The following SLCO5A1 variants were observed in gnomAD, a reference collection of about 807,000 sequenced individuals.
SLCO5A1 encodes organic anion transporter polypeptide-related protein 4.
In SLCO5A1, 39 loss-of-function variants were observed where a neutral mutation model predicts 65.1. The observed-to-expected ratio is 0.60, with a 90% CI of 0.46 to 0.78. The LOEUF (loss-of-function observed/expected upper bound fraction) is 0.78, where lower values mean the gene tolerates loss of function less well. Among genes scored for constraint, SLCO5A1 ranks in the 30% least tolerant of loss-of-function variants. The probability of loss-of-function intolerance (pLI) is 0.00; values close to 1 mark genes in which losing one functional copy is unlikely to be tolerated. For synonymous variants in SLCO5A1, 438 were observed against 415.7 expected (o/e 1.05, Z -0.65); for missense variants, 1,029 against 1,069.4 (o/e 0.96, Z 0.53).
chr8:69,698,339 T>G (rs1426917863), intron 6 of SLCO5A1, among the ~76,000 whole-genome samples: 2 of 152,214 alleles, frequency 1.3e-5, no homozygotes, highest in Non-Finnish European at 2.9e-5. Context: ...GTCTTTATGG[T>G]AGAATTATTC....
intron 2 of SLCO5A1, among the ~76,000 whole-genome samples, chr8:69,824,231 G>A (rs1424502702): frequency 1.3e-5 from 2 of 151,930 alleles, no homozygotes; most frequent in African/African-American, 2.4e-5. Flanking sequence ...AGAAGCAAGA[G>A]CAAACACATT....
At chr8:69,768,725 T>C (rs1417799188) in intron 2 of SLCO5A1, among the ~76,000 whole-genome samples, 1 of 152,098 alleles carries the variant, frequency 6.6e-6, no homozygotes, top group Non-Finnish European at 1.5e-5. Context: ...CATGACCTCA[T>C]CTCACCTTAA....
rs1283848676 is a variant in SLCO5A1 at position 69,738,109 on chromosome 8, T to G, written c.1354A>C (p.Ile452Leu). Residue 452 changes from isoleucine (I) to leucine (L), a missense_variant, in exon 5 of 10, where the codon ATT becomes CTT. Physicochemically the swap from Ile to Leu is conservative, Grantham distance 5. Transcript: ENST00000260126. Reference sequence around the variant, plus strand: ...TCGATGAACTTGGGAATGAAGGTAATGAAAGCAGTTACAATGGCACTCTCA... The same window carrying G: ...TCGATGAACTTGGGAATGAAGGTAAGGAAAGCAGTTACAATGGCACTCTCA... ...TAESAIVTAF[I>L]TFIPKFIESQ... The G allele has an allele frequency of 6.2e-7, 1 of 1,613,932 alleles. No homozygotes were observed.
chr8:69,791,140 C>A (rs1287092041), intron 2 of SLCO5A1, among the ~76,000 whole-genome samples: 1 of 152,218 alleles, frequency 6.6e-6, no homozygotes, highest in Non-Finnish European at 1.5e-5. Context: ...CTTCTTGTAA[C>A]TGTCCCTCTG....
intron 6 of SLCO5A1, among the ~76,000 whole-genome samples, chr8:69,683,473 G>A (rs553790605): frequency 2.6e-5 from 4 of 152,146 alleles, no homozygotes; most frequent in Admixed American, 6.5e-5. Flanking sequence ...AGCGAAGTTT[G>A]GGCTTTTAGT....
At chr8:69,793,777 C>CTAAATAAA (rs71556785) in intron 2 of SLCO5A1, among the ~76,000 whole-genome samples, 67 of 141,884 alleles carry the variant, frequency 4.7e-4, no homozygotes, top group South Asian at 7.1e-4. Context: ...GACTCTGTCT[C>CTAAATAAA]TAAATAAATA....
At chr8:69,690,088 C>T (rs1046198093) in intron 6 of SLCO5A1, among the ~76,000 whole-genome samples, 6 of 152,240 alleles carry the variant, frequency 3.9e-5, no homozygotes, top group African/African-American at 9.6e-5. Context: ...TATTCTACAC[C>T]TCTCATGTCT....
At chr8:69,752,056 C>G (rs951503044) in intron 4 of SLCO5A1, among the ~76,000 whole-genome samples, 5 of 152,204 alleles carry the variant, frequency 3.3e-5, no homozygotes, top group African/African-American at 4.8e-5. Flanking sequence ...CATGGTAAAA[C>G]CCCATCTGTA....
At position 69,682,274 on chromosome 8, in the gene SLCO5A1, G is replaced by A. The variant is rs539616073; in HGVS notation, c.1692C>T (p.His564=). 23 of 1,611,954 alleles carry A rather than the reference G, an allele frequency of 1.4e-5. No homozygotes were observed. The highest frequency in any genetic ancestry group is 1.7e-4 in the Middle Eastern group (1 of 6,060). The part of the protein sequence containing the change: ...SCNVNCGCKI[H]EYEPVCGSDG... ...CTGATCCACAGACTGGCTCATACTC[G>A]TGTATTTTACAACCACAATTAACGT... The change falls in exon 7 of 10, where the codon CAC becomes CAT. Residue 564 remains histidine (H), a synonymous_variant. Coordinates refer to ENST00000260126, the MANE Select transcript of SLCO5A1 (RefSeq NM_030958.3).
intron 5 of SLCO5A1, among the ~76,000 whole-genome samples, chr8:69,730,529 G>A (rs1816287052): frequency 6.6e-6 from 1 of 152,128 alleles, no homozygotes; most frequent in African/African-American, 2.4e-5. Flanking sequence ...TACTGCGAAA[G>A]CCCTGGGAGT....
intron 6 of SLCO5A1, among the ~76,000 whole-genome samples, chr8:69,683,036 G>T (rs1177564800): frequency 2.6e-5 from 4 of 152,138 alleles, no homozygotes; most frequent in Non-Finnish European, 5.9e-5. Context: ...TGAGATCATG[G>T]TGTCTGATAC....
At chr8:69,692,121 C>T (rs1278727543) in intron 6 of SLCO5A1, among the ~76,000 whole-genome samples, 8 of 152,132 alleles carry the variant, frequency 5.3e-5, no homozygotes, top group South Asian at 2.1e-4. Flanking sequence ...TGGTGGCGGG[C>T]GCCTGTAATC....
In SLCO5A1 at chr8:69,720,039, A is replaced by G. The variant is rs554879488; in HGVS notation, c.1424-14810T>C. Among the ~76,000 whole-genome samples the G allele has an allele frequency of 1.5e-3, 231 of 152,346 alleles. 1 individual carries two copies. The Middle Eastern group carries it at 0.027, about 18-fold the overall frequency. On this transcript the variant is annotated intron_variant, in intron 5 of 9. Transcript: ENST00000260126. ...GATGACATGGTTCCTGTGTGCCTAC[A>G]AAAATTTAAATTTTATTAGACCCAT...
intron 8 of SLCO5A1, among the ~76,000 whole-genome samples, chr8:69,677,808 G>A (rs1446204353): frequency 6.6e-6 from 1 of 152,222 alleles, no homozygotes; most frequent in Non-Finnish European, 1.5e-5. Flanking sequence ...ATCTCAGCAG[G>A]TGCTTCCTGC....
chr8:69,727,563 G>T (rs1356234981), intron 5 of SLCO5A1, among the ~76,000 whole-genome samples: 1 of 152,164 alleles, frequency 6.6e-6, no homozygotes, highest in Non-Finnish European at 1.5e-5. Context: ...CCCTCCCACT[G>T]CAGTACTGTG....
At position 69,670,226 on chromosome 8, in the gene SLCO5A1, T is replaced by C. The variant is rs1340098745; in HGVS notation, c.*2643A>G. 6.6e-6 allele frequency: 1 copy of C among 152,228 alleles called. No homozygotes were observed. The allele number at this position is 152,228 out of a possible 1,614,324, so 9.4% of individuals were successfully genotyped here. On this transcript the variant is annotated 3_prime_UTR_variant, in exon 10 of 10. Transcript: ENST00000260126. ...ACAAGTAATTTGAAGCCTAAGCTCA[T>C]GGAGAGTCTTCATTAAAACTTCTAA...
intron 4 of SLCO5A1, among the ~76,000 whole-genome samples, chr8:69,739,736 T>C (rs1586745133): frequency 6.6e-6 from 1 of 152,130 alleles, no homozygotes; most frequent in South Asian, 2.1e-4. Flanking sequence ...TTAAGATGCA[T>C]GCTTTATTTT....
rs556815988 is a variant in SLCO5A1 at position 69,704,179 on chromosome 8, G to A, written c.1622+852C>T. ...GCCTCCCCCAAGTGCTGGGGTTACA[G>A]GTCTGGGCCACTGCACCAGCCATGA... On this transcript the variant is annotated intron_variant, in intron 6 of 9. Transcript: ENST00000260126. Among the ~76,000 whole-genome samples, 7 of 152,302 alleles carry A rather than the reference G, an allele frequency of 4.6e-5. No homozygotes were observed. The East Asian group carries it at 1.4e-3, about 29-fold the overall frequency.
chr8:69,714,615 G>T (rs1815429936), intron 5 of SLCO5A1, among the ~76,000 whole-genome samples: 1 of 152,188 alleles, frequency 6.6e-6, no homozygotes, highest in Non-Finnish European at 1.5e-5. Context: ...ATCATAGTGT[G>T]GCTCCCATGG....
Sources: allele counts gnomAD v4.1 joint callset (sites outside exome capture counted in the v4.1 genomes callset), GRCh38; gene constraint gnomAD v4.1.1; transcripts MANE v1.5; gene names NCBI Gene and HGNC (gene_info 2026-07-23, HGNC 2026-07-21).